The following TRPM3 variants were observed in gnomAD, a reference collection of about 807,000 sequenced individuals.
The protein encoded by TRPM3 is transient receptor potential cation channel subfamily M member 3.
TRPM3 carries 77 observed loss-of-function variants against 181.2 expected under a neutral mutation model. The observed-to-expected ratio is 0.42, with a 90% CI of 0.35 to 0.51. The LOEUF (loss-of-function observed/expected upper bound fraction) is 0.51. TRPM3 is among the 20% of genes least tolerant of loss of function. TRPM3 has a pLI of 0.01. For missense variants in TRPM3, 1,759 were observed against 2,196.7 expected, an observed-to-expected ratio of 0.80 and a Z score of 3.98; for synonymous variants, 745 against 796.4, an observed-to-expected ratio of 0.94 and a Z score of 1.09.
At chr9:70,870,628 A>G (rs1369242191) in intron 1 of TRPM3, among the ~76,000 whole-genome samples, 3 of 152,070 alleles carry the variant, frequency 2.0e-5, no homozygotes, top group Non-Finnish European at 4.4e-5. Flanking sequence ...AATGAAGTCT[A>G]TCAACAGGAG....
Position 70,990,769 on chromosome 9 carries a change from C to T in TRPM3, c.178-126258G>A, listed in dbSNP as rs551319118. 3.2e-3 allele frequency among the ~76,000 whole-genome samples: 482 copies of T among 152,226 alleles called. 1 individual carries two copies. The highest frequency in any genetic ancestry group is 4.4e-3 in the Non-Finnish European group (297 of 68,002). ...AAAGGGATGTTCCCCATCCCTCTGGCGGAACAAATTTTAGAACTACTAAGT... is the reference window on the plus strand; with the variant it reads ...AAAGGGATGTTCCCCATCCCTCTGGTGGAACAAATTTTAGAACTACTAAGT... On this transcript the variant is annotated intron_variant, in intron 1 of 25. Coordinates refer to ENST00000677713, the MANE Select transcript of TRPM3 (RefSeq NM_001366145.2).
intron 1 of TRPM3, among the ~76,000 whole-genome samples, chr9:71,345,860 T>C (rs1269430383): frequency 6.6e-6 from 1 of 152,092 alleles, no homozygotes; most frequent in African/African-American, 2.4e-5. Context: ...AAATTACAAA[T>C]TACACCACAC....
chr9:71,331,789 GAGGAGA>G, intron 1 of TRPM3, among the ~76,000 whole-genome samples: 2 of 133,150 alleles, frequency 1.5e-5, no homozygotes, highest in Admixed American at 7.3e-5. Flanking sequence ...GGAGGAAGAA[GAGGAGA>G]GGGAGGAGAA....
intron 1 of TRPM3, among the ~76,000 whole-genome samples, chr9:70,876,859 T>C (rs1358690861): frequency 6.6e-6 from 1 of 152,014 alleles, no homozygotes; most frequent in African/African-American, 2.4e-5. Flanking sequence ...AGAGCAGTTT[T>C]AGGTTTACAA....
At chr9:70,994,829 G>T (rs920907182) in intron 1 of TRPM3, among the ~76,000 whole-genome samples, 2 of 152,144 alleles carry the variant, frequency 1.3e-5, no homozygotes, top group African/African-American at 4.8e-5. Context: ...CTCTTTGGAT[G>T]TCAGAAACAA....
intron 1 of TRPM3, among the ~76,000 whole-genome samples, chr9:71,183,317 C>T (rs891439154): frequency 3.3e-5 from 5 of 152,120 alleles, no homozygotes; most frequent in African/African-American, 4.8e-5. Context: ...GGATAATGAA[C>T]GTAGAGGAAC....
At chr9:71,230,206 C>T (rs1205875145) in intron 1 of TRPM3, among the ~76,000 whole-genome samples, 4 of 151,980 alleles carry the variant, frequency 2.6e-5, no homozygotes, top group African/African-American at 9.7e-5. Context: ...GTGAAATAAG[C>T]CAGGCAAAGA....
intron 22 of TRPM3, among the ~76,000 whole-genome samples, chr9:70,583,788 T>C (rs2056528939): frequency 6.6e-6 from 1 of 152,226 alleles, no homozygotes; most frequent in Non-Finnish European, 1.5e-5. Flanking sequence ...TAGCTTCATC[T>C]GATCTCTTAT....
chr9:71,317,301 CT>C (rs2088700091), intron 1 of TRPM3, among the ~76,000 whole-genome samples: 1 of 152,160 alleles, frequency 6.6e-6, no homozygotes, highest in African/African-American at 2.4e-5. Flanking sequence ...GATAAAACAA[CT>C]TCTTTGTATT....
chr9:70,574,314 C>T (rs1354991729), intron 22 of TRPM3, among the ~76,000 whole-genome samples: 1 of 152,200 alleles, frequency 6.6e-6, no homozygotes, highest in Non-Finnish European at 1.5e-5. Context: ...CACACTTCCA[C>T]CCTGCTGGTC....
intron 6 of TRPM3, among the ~76,000 whole-genome samples, chr9:70,816,122 T>A (rs530067324): frequency 2.0e-4 from 30 of 152,348 alleles, no homozygotes; most frequent in African/African-American, 6.5e-4. Context: ...TGAAAAAAAC[T>A]AACTAGAGTT....
At chr9:71,067,981 T>C (rs745781086) in intron 1 of TRPM3, among the ~76,000 whole-genome samples, 6 of 152,190 alleles carry the variant, frequency 3.9e-5, no homozygotes, top group African/African-American at 9.6e-5. Flanking sequence ...TGCAACACTT[T>C]GTTCATGATT....
chr9:71,079,724 G>T (rs1306992952), intron 1 of TRPM3, among the ~76,000 whole-genome samples: 1 of 152,148 alleles, frequency 6.6e-6, no homozygotes, highest in Non-Finnish European at 1.5e-5. Flanking sequence ...GGGTTTGTCG[G>T]AGAGTCCAGG....
At chr9:70,889,833 G>A (rs1389299608) in intron 1 of TRPM3, among the ~76,000 whole-genome samples, 4 of 151,120 alleles carry the variant, frequency 2.6e-5, no homozygotes, top group South Asian at 2.1e-4. Flanking sequence ...AACAATAAAG[G>A]AAACAGTACA....
intron 1 of TRPM3, among the ~76,000 whole-genome samples, chr9:70,875,287 AGTCCCTCATT>A (rs2095851487): frequency 6.6e-6 from 1 of 151,938 alleles, no homozygotes. Context: ...CTTTATTGTT[AGTCCCTCATT>A]AACGTGTACA....
intron 1 of TRPM3, among the ~76,000 whole-genome samples, chr9:71,227,986 A>G (rs993393936): frequency 6.6e-6 from 1 of 152,208 alleles, no homozygotes; most frequent in Non-Finnish European, 1.5e-5. Flanking sequence ...TCATTCTATG[A>G]GGCCAGTATT....
At chr9:71,397,751 A>G (rs1457040029) in intron 1 of TRPM3, among the ~76,000 whole-genome samples, 1 of 151,916 alleles carries the variant, frequency 6.6e-6, no homozygotes, top group African/African-American at 2.4e-5. Context: ...CAGAACTCTT[A>G]TGTTTACATC....
At chr9:71,024,925 C>T (rs1410233615) in intron 1 of TRPM3, among the ~76,000 whole-genome samples, 1 of 152,136 alleles carries the variant, frequency 6.6e-6, no homozygotes, top group Non-Finnish European at 1.5e-5. Context: ...GGAAGGAGCA[C>T]AGTAGTGTGT....
At chr9:70,549,990 A>G (rs1056965780) in intron 24 of TRPM3, among the ~76,000 whole-genome samples, 2 of 152,214 alleles carry the variant, frequency 1.3e-5, no homozygotes, top group East Asian at 3.8e-4. Context: ...CAGAGCCTAG[A>G]GTATCTTAAA....
Sources: allele counts gnomAD v4.1 joint callset (sites outside exome capture counted in the v4.1 genomes callset), GRCh38; gene constraint gnomAD v4.1.1; transcripts MANE v1.5; gene names NCBI Gene and HGNC (gene_info 2026-07-23, HGNC 2026-07-21).